The following RGS7BP variants were observed in gnomAD, a reference collection of about 807,000 sequenced individuals.
The protein encoded by RGS7BP is regulator of G protein signaling 7-binding protein.
A neutral mutation model predicts 31.3 loss-of-function variants in RGS7BP; 9 were observed. The ratio of observed to expected loss-of-function variants is 0.29; its 90% confidence interval spans 0.17 to 0.50. RGS7BP has a LOEUF of 0.50. RGS7BP is among the 20% of genes least tolerant of loss of function. The probability of loss-of-function intolerance (pLI) is 0.98; values close to 1 mark genes in which losing one functional copy is unlikely to be tolerated. For missense variants in RGS7BP, 274 were observed against 322.0 expected (o/e 0.85, Z 1.14); for synonymous variants, 115 against 120.1 (o/e 0.96, Z 0.28).
intron 2 of RGS7BP, among the ~76,000 whole-genome samples, chr5:64,526,322 G>A (rs1164150462): frequency 6.6e-6 from 1 of 152,208 alleles, no homozygotes; most frequent in African/African-American, 2.4e-5. Context: ...TTCACTGAGA[G>A]AGTGGTACTC....
At position 64,610,540 on chromosome 5, in the gene RGS7BP, G is replaced by A. The variant is rs747350578; in HGVS notation, c.*1288G>A. 3.9e-5 allele frequency: 6 copies of A among 151,916 alleles called. No individual in the cohort carries two copies. The allele number at this position is 151,916 out of a possible 1,614,324, so 9.4% of individuals were successfully genotyped here. A position where few individuals can be genotyped will look rare whatever the true frequency, so the allele number is the denominator to read the frequency against. ...GTCAGACAGGAGGCACCAGTGTCCA[G>A]TACAATAGAAGGATGAGCTAGATGC... On this transcript the variant is annotated 3_prime_UTR_variant, in exon 6 of 6. Coordinates refer to ENST00000334025, the MANE Select transcript of RGS7BP (RefSeq NM_001029875.3).
chr5:64,609,477 G>T lies in RGS7BP; in HGVS notation c.*225G>T. 1.9e-6 allele frequency: 1 copy of T among 520,854 alleles called. No homozygotes were observed. The highest frequency in any genetic ancestry group is 1.9e-5 in the African/African-American group (1 of 52,470). 32.3% of individuals were successfully genotyped at this position (520,854 alleles called of 1,614,324 possible). A position where few individuals can be genotyped will look rare whatever the true frequency, so the allele number is the denominator to read the frequency against. ...TCAAAAACCAGGCTGTTTTTAAAAG[G>T]GAATTTTAAAGCTGACATTGTGCAT... On this transcript the variant is annotated 3_prime_UTR_variant, in exon 6 of 6. Transcript: ENST00000334025.
intron 3 of RGS7BP, among the ~76,000 whole-genome samples, chr5:64,594,317 G>GCCCTTTTACCTGCTCCTGC (rs1743001928): frequency 6.6e-6 from 1 of 151,990 alleles, no homozygotes; most frequent in African/African-American, 2.4e-5. Context: ...CCTGCTCCTG[G>GCCCTTTTACCTGCTCCTGC]CCCTTTTACC....
At chr5:64,568,901 G>T (rs1372752442) in intron 2 of RGS7BP, among the ~76,000 whole-genome samples, 1 of 149,036 alleles carries the variant, frequency 6.7e-6, no homozygotes, top group Non-Finnish European at 1.5e-5. Context: ...TCCCAACCGG[G>T]TCATGGGAAA....
intron 2 of RGS7BP, among the ~76,000 whole-genome samples, chr5:64,560,519 A>T (rs1051569864): frequency 2.7e-5 from 4 of 146,894 alleles, no homozygotes; most frequent in Non-Finnish European, 5.9e-5. Context: ...GTATTTAAAA[A>T]TATGTCTAAT....
chr5:64,550,329 C>A (rs1741760458), intron 2 of RGS7BP, among the ~76,000 whole-genome samples: 1 of 152,172 alleles, frequency 6.6e-6, no homozygotes, highest in Admixed American at 6.5e-5. Flanking sequence ...TTGCAGATGG[C>A]CACTATCTCA....
chr5:64,553,978 G>T (rs145677149), intron 2 of RGS7BP, among the ~76,000 whole-genome samples: 1 of 152,266 alleles, frequency 6.6e-6, no homozygotes, highest in Non-Finnish European at 1.5e-5. Flanking sequence ...GGGGCTTGTA[G>T]TTAGAAGATC....
chr5:64,559,935 A>T (rs899853124), intron 2 of RGS7BP, among the ~76,000 whole-genome samples: 1 of 152,146 alleles, frequency 6.6e-6, no homozygotes, highest in Admixed American at 6.5e-5. Context: ...TCCTGGAAAA[A>T]CACTCATTTT....
intron 5 of RGS7BP, among the ~76,000 whole-genome samples, chr5:64,608,446 A>G (rs1743419730): frequency 6.6e-6 from 1 of 152,044 alleles, no homozygotes; most frequent in Non-Finnish European, 1.5e-5. Flanking sequence ...ACAGAAATCT[A>G]TAGAAAGTGC....
Position 64,507,805 on chromosome 5 carries a change from A to G in RGS7BP, c.260A>G (p.Glu87Gly). 1 of 1,614,080 alleles carries G rather than the reference A, an allele frequency of 6.2e-7. No individual in the cohort carries two copies. Among genetic ancestry groups the G allele is most frequent in the South Asian group, 1.1e-5 (1 of 91,070 alleles). Residue 87 changes from glutamate (E) to glycine (G), a missense_variant, in exon 2 of 6, where the codon GAA becomes GGA. Glu to Gly is a moderately conservative substitution (Grantham distance 98, BLOSUM62 -2). Transcript: ENST00000334025. Reference sequence around the variant, plus strand: ...GTCAGCTGCCCCTCACTCCGGGCGGAAATGCACAAGACAAGAACCAAAGGC... The same window carrying G: ...GTCAGCTGCCCCTCACTCCGGGCGGGAATGCACAAGACAAGAACCAAAGGC... ...VSVSCPSLRA[E>G]MHKTRTKGCE...
chr5:64,531,905 AT>A lies in RGS7BP; in HGVS notation c.332+24033del, dbSNP rs1580402655. On this transcript the variant is annotated intron_variant, in intron 2 of 5. Transcript: ENST00000334025. The stretch of plus-strand genomic sequence containing the variant: ...ACTAATATGTTTAAACAATGTTAAA[AT>A]TTTTCATCATCTTGGAAATTCCCCT... 3.3e-5 allele frequency among the ~76,000 whole-genome samples: 5 copies of A among 152,200 alleles called. No individual in the cohort carries two copies. In the East Asian group the frequency reaches 9.6e-4, roughly 29 times the overall value.
At chr5:64,591,773 G>A (rs1212244040) in intron 3 of RGS7BP, among the ~76,000 whole-genome samples, 1 of 152,096 alleles carries the variant, frequency 6.6e-6, no homozygotes, top group Non-Finnish European at 1.5e-5. Flanking sequence ...CTCTAAGCTG[G>A]ACTACAGTAG....
At chr5:64,587,437 C>T (rs1243054757) in intron 3 of RGS7BP, among the ~76,000 whole-genome samples, 2 of 152,042 alleles carry the variant, frequency 1.3e-5, no homozygotes, top group Non-Finnish European at 2.9e-5. Flanking sequence ...GAGGTCAATT[C>T]CAGAGATTCT....
Position 64,596,723 on chromosome 5 carries a change from T to C in RGS7BP, c.612-1642T>C, listed in dbSNP as rs531495833. On this transcript the variant is annotated intron_variant, in intron 4 of 5. Coordinates refer to ENST00000334025, the MANE Select transcript of RGS7BP (RefSeq NM_001029875.3). Reference sequence around the variant, plus strand: ...TGGATTTGGAAAGTTTTTACAGGTATATTTCCGCAGATCCTCAAGGCTGCT... The same window carrying C: ...TGGATTTGGAAAGTTTTTACAGGTACATTTCCGCAGATCCTCAAGGCTGCT... Among the ~76,000 whole-genome samples the C allele has an allele frequency of 4.6e-5, 7 of 152,312 alleles. No homozygotes were observed. The South Asian group carries it at 1.5e-3, about 32-fold the overall frequency.
At chr5:64,532,272 G>A (rs998841475) in intron 2 of RGS7BP, among the ~76,000 whole-genome samples, 49 of 151,600 alleles carry the variant, frequency 3.2e-4, no homozygotes, top group African/African-American at 1.2e-3. Flanking sequence ...AATAGTGCAA[G>A]CACCACCACA....
At chr5:64,534,702 T>A (rs1226815741) in intron 2 of RGS7BP, among the ~76,000 whole-genome samples, 1 of 152,168 alleles carries the variant, frequency 6.6e-6, no homozygotes, top group African/African-American at 2.4e-5. Context: ...ACTTGGTGAT[T>A]CCTTTCAGCA....
chr5:64,540,562 C>T (rs437193), intron 2 of RGS7BP, among the ~76,000 whole-genome samples: 35,888 of 151,844 alleles, frequency 0.24, 4,946 homozygotes, highest in South Asian at 0.37. Context: ...CTGCTTTTTT[C>T]CTTGGTATAA....
chr5:64,601,675 T>C (rs1324772645), intron 5 of RGS7BP, among the ~76,000 whole-genome samples: 2 of 152,150 alleles, frequency 1.3e-5, no homozygotes, highest in Non-Finnish European at 2.9e-5. Flanking sequence ...TCAGCGCCCC[T>C]CCTGTCCTAC....
At chr5:64,567,507 T>C (rs1742199852) in intron 2 of RGS7BP, among the ~76,000 whole-genome samples, 1 of 152,162 alleles carries the variant, frequency 6.6e-6, no homozygotes, top group Non-Finnish European at 1.5e-5. Flanking sequence ...TTTACGATAC[T>C]TGCTTTATTA....
Sources: allele counts gnomAD v4.1 joint callset (sites outside exome capture counted in the v4.1 genomes callset), GRCh38; gene constraint gnomAD v4.1.1; transcripts MANE v1.5; gene names NCBI Gene and HGNC (gene_info 2026-07-23, HGNC 2026-07-21).